The following TENM2 variants were observed in gnomAD, a reference collection of about 807,000 sequenced individuals.
The protein encoded by TENM2 is teneurin-2.
In TENM2, 52 loss-of-function variants were observed where a neutral mutation model predicts 245.2. That is an observed-to-expected ratio of 0.21 (90% CI 0.17 to 0.27). The LOEUF is 0.27. Among genes scored for constraint, TENM2 ranks in the 10% least tolerant of loss-of-function variants. The probability of loss-of-function intolerance (pLI) is 1.00; values close to 1 mark genes in which losing one functional copy is unlikely to be tolerated. For synonymous variants in TENM2, 1,363 were observed against 1,438.9 expected (o/e 0.95, Z 1.19); for missense variants, 3,046 against 3,666.8 (o/e 0.83, Z 4.37).
At chr5:168,149,808 T>C (rs993303864) in intron 12 of TENM2, among the ~76,000 whole-genome samples, 2 of 152,238 alleles carry the variant, frequency 1.3e-5, no homozygotes, top group Admixed American at 6.5e-5. Context: ...GTCCTACCCC[T>C]CACTCACTCT....
chr5:167,755,033 G>A (rs1289497185), intron 2 of TENM2: 3 of 1,589,618 alleles, frequency 1.9e-6, no homozygotes, highest in African/African-American at 2.7e-5. Context: ...ACGAAGAGCG[G>A]CCCACTCCCA....
intron 2 of TENM2, among the ~76,000 whole-genome samples, chr5:167,774,939 A>G (rs1691614266): frequency 6.6e-6 from 1 of 152,120 alleles, no homozygotes; most frequent in Non-Finnish European, 1.5e-5. Context: ...CAAGGTATGC[A>G]CTGGGGCTTA....
intron 2 of TENM2, among the ~76,000 whole-genome samples, chr5:167,386,495 G>A (rs889968981): frequency 6.6e-5 from 10 of 152,024 alleles, no homozygotes; most frequent in Admixed American, 5.9e-4. Flanking sequence ...TTTTCCTTTT[G>A]CCATCCAGAA....
chr5:167,009,856 A>G, the TENM2 span, among the ~76,000 whole-genome samples: 1 of 152,210 alleles, frequency 6.6e-6, no homozygotes, highest in African/African-American at 2.4e-5. Flanking sequence ...TTAGGTTGCT[A>G]GTAATGTCAG....
chr5:167,018,208 A>G, the TENM2 span, among the ~76,000 whole-genome samples: 2 of 152,220 alleles, frequency 1.3e-5, no homozygotes, highest in Non-Finnish European at 2.9e-5. Flanking sequence ...CTAAAATGAT[A>G]TATCACAATT....
intron 3 of TENM2, among the ~76,000 whole-genome samples, chr5:167,922,927 G>A (rs1257824091): frequency 1.3e-5 from 2 of 152,244 alleles, no homozygotes; most frequent in East Asian, 3.8e-4. Context: ...CAAGGAGACA[G>A]TAGAATGGCT....
At chr5:168,231,704 A>C (rs925806639) in intron 25 of TENM2, among the ~76,000 whole-genome samples, 1 of 151,978 alleles carries the variant, frequency 6.6e-6, no homozygotes, top group Non-Finnish European at 1.5e-5. Flanking sequence ...GTTCAAGACA[A>C]GACCAGCCTA....
chr5:167,769,882 G>T (rs1487009279), intron 2 of TENM2, among the ~76,000 whole-genome samples: 1 of 152,110 alleles, frequency 6.6e-6, no homozygotes, highest in African/African-American at 2.4e-5. Flanking sequence ...TTAGAGCTTG[G>T]TGTGGGTCTA....
At chr5:167,621,995 A>G (rs1337129983) in intron 2 of TENM2, among the ~76,000 whole-genome samples, 1 of 152,192 alleles carries the variant, frequency 6.6e-6, no homozygotes, top group East Asian at 1.9e-4. Flanking sequence ...GTTTAGGCTA[A>G]TATGTGTGTA....
intron 2 of TENM2, among the ~76,000 whole-genome samples, chr5:167,473,534 G>A (rs577031140): frequency 2.0e-5 from 3 of 152,154 alleles, no homozygotes; most frequent in South Asian, 2.1e-4. Flanking sequence ...TTTTATTGCC[G>A]TATATTCTAC....
chr5:167,156,837 C>T, the TENM2 span, among the ~76,000 whole-genome samples: 1 of 152,090 alleles, frequency 6.6e-6, no homozygotes, highest in African/African-American at 2.4e-5. Context: ...CCAAGTGGCT[C>T]GTCTTGGCAC....
intron 2 of TENM2, among the ~76,000 whole-genome samples, chr5:167,837,911 G>A (rs963092983): frequency 6.6e-6 from 1 of 152,088 alleles, no homozygotes; most frequent in African/African-American, 2.4e-5. Flanking sequence ...CTGTCCCAGG[G>A]ACCTTGAAGT....
chr5:167,815,970 CTTTG>C (rs928862774), intron 2 of TENM2, among the ~76,000 whole-genome samples: 1 of 124,396 alleles, frequency 8.0e-6, no homozygotes, highest in African/African-American at 3.3e-5. Context: ...CATTATGATC[CTTTG>C]TGTGTGTGTG....
the TENM2 span, among the ~76,000 whole-genome samples, chr5:167,058,812 G>C: frequency 2.6e-5 from 4 of 152,238 alleles, no homozygotes; most frequent in South Asian, 8.3e-4. Flanking sequence ...AAGAGAAAGT[G>C]CACAGCTCAT....
chr5:167,511,389 G>A (rs931422637), intron 2 of TENM2, among the ~76,000 whole-genome samples: 1 of 152,120 alleles, frequency 6.6e-6, no homozygotes, highest in African/African-American at 2.4e-5. Context: ...CAGGAACACA[G>A]AACATTCCTC....
chr5:167,306,369 G>C (rs983300193), intron 1 of TENM2: 1 of 152,106 alleles, frequency 6.6e-6, no homozygotes, highest in Non-Finnish European at 1.5e-5. Flanking sequence ...GAGACACACA[G>C]TAAGTACTGG....
chr5:168,121,829 T>C (rs1229003751), intron 10 of TENM2, among the ~76,000 whole-genome samples: 1 of 152,214 alleles, frequency 6.6e-6, no homozygotes, highest in African/African-American at 2.4e-5. Flanking sequence ...TATTTTTGTG[T>C]ATATTTTGAT....
chr5:168,131,898 T>C (rs1246479496), intron 12 of TENM2, among the ~76,000 whole-genome samples: 1 of 152,210 alleles, frequency 6.6e-6, no homozygotes, highest in Non-Finnish European at 1.5e-5. Flanking sequence ...CAGGGGCTCT[T>C]ATTAGAACTA....
At position 168,254,023 on chromosome 5, in the gene TENM2, T is replaced by C. The variant is rs748548650; in HGVS notation, c.7432+5652T>C. The stretch of plus-strand genomic sequence containing the variant: ...CACACTTTAGCTTAAAGTCAGATTT[T>C]GTAAAGTTTAATTTACCTAAGTGAG... On this transcript the variant is annotated intron_variant, in intron 27 of 28. Transcript: ENST00000518659. 1.7e-4 allele frequency among the ~76,000 whole-genome samples: 26 copies of C among 152,364 alleles called. 1 individual carries two copies. Among genetic ancestry groups the C allele is most frequent in the Middle Eastern group, 3.4e-3 (1 of 294 alleles).
Sources: allele counts gnomAD v4.1 joint callset (sites outside exome capture counted in the v4.1 genomes callset), GRCh38; gene constraint gnomAD v4.1.1; transcripts MANE v1.5; gene names NCBI Gene and HGNC (gene_info 2026-07-23, HGNC 2026-07-21).